CEP63: variants seen among roughly 807,000 people sequenced by gnomAD.
The protein encoded by CEP63 is centrosomal protein of 63 kDa.
A neutral mutation model predicts 89.1 loss-of-function variants in CEP63; 84 were observed. The observed-to-expected ratio is 0.94, with a 90% CI of 0.79 to 1.13. CEP63 has a LOEUF of 1.13. Among genes scored for constraint, CEP63 ranks in the 50% most tolerant of loss-of-function variants. The pLI is 0.00. For synonymous variants in CEP63, 267 were observed against 272.5 expected (o/e 0.98, Z 0.20); for missense variants, 838 against 813.3 (o/e 1.03, Z -0.37).
the CEP63 span, among the ~76,000 whole-genome samples, chr3:134,710,830 C>T: frequency 0.51 from 77,215 of 151,184 alleles, 22,805 homozygotes; most frequent in East Asian, 0.78. Context: ...CAGGTGATTG[C>T]CCTGCCTCAG....
intron 3 of CEP63, among the ~76,000 whole-genome samples, chr3:134,517,438 A>T (rs1383587546): frequency 6.6e-6 from 1 of 152,238 alleles, no homozygotes; most frequent in Non-Finnish European, 1.5e-5. Context: ...CAAACATAAG[A>T]ATATAGATTT....
the CEP63 span, among the ~76,000 whole-genome samples, chr3:134,646,955 AAG>A: frequency 6.6e-6 from 1 of 152,180 alleles, no homozygotes; most frequent in Non-Finnish European, 1.5e-5. Context: ...CACTGGAAAA[AAG>A]AGGCTTTGGA....
intron 3 of CEP63, among the ~76,000 whole-genome samples, chr3:134,516,708 C>T (rs1043686920): frequency 9.2e-5 from 14 of 152,160 alleles, no homozygotes; most frequent in African/African-American, 2.9e-4. Context: ...GCCCTTAATC[C>T]ATTTAACCCT....
chr3:134,595,168 A>G, the CEP63 span, among the ~76,000 whole-genome samples: 4 of 152,282 alleles, frequency 2.6e-5, no homozygotes, highest in East Asian at 7.7e-4. Flanking sequence ...AGGTAATTTA[A>G]TCATGGGGGT....
chr3:134,760,673 A>G, the CEP63 span, among the ~76,000 whole-genome samples: 1 of 152,238 alleles, frequency 6.6e-6, no homozygotes, highest in African/African-American at 2.4e-5. Flanking sequence ...CTGGGACCAG[A>G]GAGGTTAAGA....
intron 3 of CEP63, among the ~76,000 whole-genome samples, chr3:134,522,890 A>AT (rs1053085627): frequency 2.0e-5 from 3 of 152,170 alleles, no homozygotes; most frequent in Admixed American, 6.5e-5. Context: ...TTCTGATGGA[A>AT]CGATTTACAT....
downstream of CEP63, among the ~76,000 whole-genome samples, chr3:134,589,980 G>A (rs1248778113): frequency 6.6e-6 from 1 of 152,170 alleles, no homozygotes; most frequent in Non-Finnish European, 1.5e-5. Flanking sequence ...ATTATCCTAA[G>A]TGAACTAACA....
chr3:134,711,366 C>G, the CEP63 span, among the ~76,000 whole-genome samples: 1 of 152,144 alleles, frequency 6.6e-6, no homozygotes, highest in Non-Finnish European at 1.5e-5. Context: ...TCACAGCTTC[C>G]TTGGGGACAT....
chr3:134,594,458 A>C, the CEP63 span, among the ~76,000 whole-genome samples: 5 of 152,106 alleles, frequency 3.3e-5, no homozygotes, highest in African/African-American at 4.8e-5. Context: ...AAACAAAGCA[A>C]TCTCGGCACA....
At chr3:134,648,916 G>A in the CEP63 span, among the ~76,000 whole-genome samples, 2 of 152,180 alleles carry the variant, frequency 1.3e-5, no homozygotes, top group Non-Finnish European at 2.9e-5. Flanking sequence ...GGAGATACCT[G>A]GAAGTGAGCA....
the CEP63 span, among the ~76,000 whole-genome samples, chr3:134,630,528 A>G: frequency 2.6e-5 from 4 of 152,212 alleles, no homozygotes; most frequent in Non-Finnish European, 5.9e-5. Context: ...GGTCATGAAG[A>G]GGAGGGAGCT....
the CEP63 span, among the ~76,000 whole-genome samples, chr3:134,765,396 A>C: frequency 2.0e-5 from 3 of 152,318 alleles, no homozygotes; most frequent in South Asian, 6.2e-4. Context: ...TGAGGATACA[A>C]CAGACCAAGA....
At chr3:134,721,399 A>G in the CEP63 span, among the ~76,000 whole-genome samples, 6 of 152,110 alleles carry the variant, frequency 3.9e-5, no homozygotes, top group African/African-American at 1.2e-4. Flanking sequence ...TCCTGTGTAC[A>G]GGATGATGTA....
the CEP63 span, among the ~76,000 whole-genome samples, chr3:134,659,546 C>G: frequency 2.0e-5 from 3 of 152,212 alleles, no homozygotes; most frequent in Non-Finnish European, 2.9e-5. Context: ...CCCCTCAAGC[C>G]TAATGTGCTT....
At chr3:134,651,083 C>G in the CEP63 span, 1 of 1,530,722 alleles carries the variant, frequency 6.5e-7, no homozygotes, top group Non-Finnish European at 8.8e-7. Context: ...AGGGCGCTCC[C>G]CCGCCGCTGG....
the CEP63 span, among the ~76,000 whole-genome samples, chr3:134,666,531 G>A: frequency 1.3e-5 from 2 of 152,192 alleles, no homozygotes; most frequent in African/African-American, 4.8e-5. Context: ...AGGAGCCAGG[G>A]CACGAGGTGC....
At chr3:134,768,148 G>A in the CEP63 span, among the ~76,000 whole-genome samples, 649 of 152,250 alleles carry the variant, frequency 4.3e-3, 6 homozygotes, top group African/African-American at 0.014. Context: ...AAGGAAAGTG[G>A]AATCGGAAGC....
chr3:134,498,093 A>G (rs1264857428), intron 2 of CEP63, among the ~76,000 whole-genome samples: 1 of 151,910 alleles, frequency 6.6e-6, no homozygotes, highest in East Asian at 1.9e-4. Flanking sequence ...TATTTTTTCT[A>G]TTTCTGTGAA....
chr3:134,617,822 G>C, the CEP63 span, among the ~76,000 whole-genome samples: 3 of 152,096 alleles, frequency 2.0e-5, no homozygotes, highest in Non-Finnish European at 4.4e-5. Flanking sequence ...GGTCAGGAAG[G>C]TGGTGTCACA....
Sources: gnomAD v4.1 joint callset for allele counts (sites outside exome capture counted in the v4.1 genomes callset) on GRCh38, gnomAD v4.1.1 for gene constraint, MANE v1.5 for transcripts, NCBI Gene and HGNC (gene_info 2026-07-23, HGNC 2026-07-21) for gene names.